HECW1: variants seen among roughly 807,000 people sequenced by gnomAD.
HECW1 encodes E3 ubiquitin-protein ligase HECW1.
A neutral mutation model predicts 182.3 loss-of-function variants in HECW1; 61 were observed. The observed-to-expected ratio is 0.33, with a 90% CI of 0.27 to 0.41. HECW1 has a LOEUF of 0.41. HECW1 is among the 10% of genes least tolerant of loss of function. HECW1 has a pLI of 1.00. For missense variants in HECW1, 1,739 were observed against 2,108.9 expected (o/e 0.82, Z 3.44); for synonymous variants, 859 against 832.6 (o/e 1.03, Z -0.55).
intron 5 of HECW1, 56 bp from the exon 6 acceptor site, chr7:43,360,830 T>G: frequency 7.8e-7 from 1 of 1,285,928 alleles, no homozygotes; most frequent in Non-Finnish European, 1.1e-6. Context: ...TGGCCATAGC[T>G]GTCTCTCCCT....
chr7:43,445,255 A>C lies in HECW1; in HGVS notation c.2083A>C (p.Ser695Arg), dbSNP rs1173371919. The C allele has an allele frequency of 6.2e-7, 1 of 1,612,390 alleles. No homozygotes were observed. Among genetic ancestry groups the C allele is most frequent in the Non-Finnish European group, 8.5e-7 (1 of 1,178,824 alleles). ...SSCYSTSCYS[S>R]SCYSASCYSP... ...GTGCTACAGCACGTCCTGCTACAGCAGCTCGTGCTACAGCGCCTCGTGCTA... is the reference window on the plus strand; with the variant it reads ...GTGCTACAGCACGTCCTGCTACAGCCGCTCGTGCTACAGCGCCTCGTGCTA... Residue 695 changes from serine to arginine, a missense_variant, in exon 11 of 30, where the codon AGC becomes CGC. By Grantham distance (110) the Ser-to-Arg change is moderately radical. Around this residue, in one of 5 missense-constraint regions of HECW1, gnomAD observed 971 missense variants for 1,029.1 expected, o/e 0.94. Transcript: ENST00000395891.
At chr7:43,521,216 G>T (rs532162524) in intron 24 of HECW1, among the ~76,000 whole-genome samples, 1 of 152,202 alleles carries the variant, frequency 6.6e-6, no homozygotes, top group African/African-American at 2.4e-5. Flanking sequence ...GTGATTAAAC[G>T]ATGAGGGCAG....
At chr7:43,481,978 A>G (rs1402622975) in intron 17 of HECW1, among the ~76,000 whole-genome samples, 1 of 149,754 alleles carries the variant, frequency 6.7e-6, no homozygotes, top group Non-Finnish European at 1.5e-5. Context: ...CCATCTCAAA[A>G]AAAAAAAAAA....
At chr7:43,536,832 C>T (rs1343485296) in intron 24 of HECW1, among the ~76,000 whole-genome samples, 2 of 152,174 alleles carry the variant, frequency 1.3e-5, no homozygotes, top group East Asian at 1.9e-4. Flanking sequence ...GCAACTCCTC[C>T]GCGAGGCCCC....
chr7:43,466,532 C>A lies in HECW1; in HGVS notation c.2877C>A (p.Thr959=). Residue 959 remains threonine (T), a synonymous_variant, in exon 15 of 30, where the codon ACC becomes ACA. Coordinates refer to ENST00000395891, the MANE Select transcript of HECW1 (RefSeq NM_015052.5). ...LLQSPAVKFI[T]NPEFFTVLHA... is the part of the protein sequence containing the mutation. ...AGTCCCCAGCGGTCAAGTTCATCAC[C>A]AACCCCGAGTTCTTCACTGTGCTAC... The A allele has an allele frequency of 6.2e-7, 1 of 1,613,548 alleles. No homozygotes were observed. The highest frequency in any genetic ancestry group is 8.5e-7 in the Non-Finnish European group (1 of 1,179,764).
At chr7:43,517,811 C>T (rs1036080526) in intron 24 of HECW1, among the ~76,000 whole-genome samples, 2 of 152,114 alleles carry the variant, frequency 1.3e-5, no homozygotes, top group Non-Finnish European at 2.9e-5. Flanking sequence ...CAGTAGCCTC[C>T]CTATCAATTC....
chr7:43,488,486 A>AAGAAAGAG (rs1563046780), intron 17 of HECW1, among the ~76,000 whole-genome samples: 3 of 120,532 alleles, frequency 2.5e-5, no homozygotes, highest in Non-Finnish European at 3.6e-5. Flanking sequence ...GAAAGAAAGA[A>AAGAAAGAG]AGAGAAAGAA....
At chr7:43,178,871 G>A (rs571971988) in intron 2 of HECW1, among the ~76,000 whole-genome samples, 2 of 152,282 alleles carry the variant, frequency 1.3e-5, no homozygotes, top group African/African-American at 4.8e-5. Flanking sequence ...AATTAAGGAT[G>A]GCTTGTTAAA....
chr7:43,477,420 CTA>C, intron 16 of HECW1, among the ~76,000 whole-genome samples: 2 of 152,222 alleles, frequency 1.3e-5, no homozygotes, highest in Middle Eastern at 6.8e-3. Flanking sequence ...AATGAAAAGT[CTA>C]TTTTTAATAT....
At chr7:43,129,216 T>G (rs1345050915) in intron 2 of HECW1, among the ~76,000 whole-genome samples, 5 of 152,156 alleles carry the variant, frequency 3.3e-5, no homozygotes, top group Non-Finnish European at 7.4e-5. Flanking sequence ...AGAGAAATCT[T>G]TTGTGAAAGG....
At chr7:43,363,306 C>T (rs1332984445) in intron 6 of HECW1, among the ~76,000 whole-genome samples, 7 of 152,200 alleles carry the variant, frequency 4.6e-5, no homozygotes, top group Admixed American at 4.6e-4. Flanking sequence ...AAATGAGATG[C>T]TTCCATCACA....
chr7:43,258,258 G>A (rs910398547), intron 3 of HECW1, among the ~76,000 whole-genome samples: 3 of 148,140 alleles, frequency 2.0e-5, no homozygotes, highest in African/African-American at 4.9e-5. Context: ...CATGAGAATC[G>A]CTTGAACCTG....
At chr7:43,394,990 T>C (rs2075177740) in intron 6 of HECW1, among the ~76,000 whole-genome samples, 1 of 151,876 alleles carries the variant, frequency 6.6e-6, no homozygotes, top group Non-Finnish European at 1.5e-5. Flanking sequence ...CGGAGCTGTC[T>C]TCTTGCAGTG....
chr7:43,491,390 G>C lies in HECW1; in HGVS notation c.3235-685G>C, dbSNP rs193084889. Among the ~76,000 whole-genome samples, 346 of 152,268 alleles carry C rather than the reference G, an allele frequency of 2.3e-3. 1 individual carries two copies. Among genetic ancestry groups the C allele is most frequent in the African/African-American group, 8.0e-3 (332 of 41,542 alleles). On this transcript the variant is annotated intron_variant, in intron 17 of 29. Coordinates refer to ENST00000395891, the MANE Select transcript of HECW1 (RefSeq NM_015052.5). ...GCCAGCACAGTGAATGCAATAACAG[G>C]CATTCAAGAAAGAATGAATGTAATC... is the stretch of plus-strand genomic sequence containing the variant.
chr7:43,138,009 G>C (rs962133591), intron 2 of HECW1, among the ~76,000 whole-genome samples: 1 of 151,710 alleles, frequency 6.6e-6, no homozygotes, highest in African/African-American at 2.4e-5. Flanking sequence ...AATGATTTCA[G>C]TGGCTTTGTT....
intron 3 of HECW1, among the ~76,000 whole-genome samples, chr7:43,295,026 A>T (rs1344900853): frequency 6.6e-6 from 1 of 152,208 alleles, no homozygotes; most frequent in East Asian, 1.9e-4. Flanking sequence ...TCACAGGCAG[A>T]TAAGAAAAAA....
intron 6 of HECW1, among the ~76,000 whole-genome samples, chr7:43,371,598 GCAAAATTTATCAAATTTAT>G (rs2074105267): frequency 6.6e-6 from 1 of 152,062 alleles, no homozygotes; most frequent in Non-Finnish European, 1.5e-5. Context: ...AGGCAGTTTA[GCAAAATTTATCAAATTTAT>G]CAAAATTTAT....
chr7:43,493,170 C>T lies in HECW1; in HGVS notation c.3427C>T (p.His1143Tyr). 6.2e-7 allele frequency: 1 copy of T among 1,612,104 alleles called. No homozygotes were observed. Among genetic ancestry groups the T allele is most frequent in the Non-Finnish European group, 8.5e-7 (1 of 1,178,466 alleles). The change falls in exon 19 of 30, where the codon CAC becomes TAC. Residue 1143 changes from histidine to tyrosine, a missense_variant. Coordinates refer to ENST00000395891, the MANE Select transcript of HECW1 (RefSeq NM_015052.5). The part of the protein sequence containing the change: ...QERQPSLARN[H>Y]TLREKIHYIR... ...GCGTCAGCCAAGCTTAGCAAGAAAC[C>T]ACACACTCAGGTAAGCCTCGCCCCT...
At chr7:43,526,987 C>T (rs900531207) in intron 24 of HECW1, among the ~76,000 whole-genome samples, 9 of 152,130 alleles carry the variant, frequency 5.9e-5, no homozygotes, top group African/African-American at 2.2e-4. Context: ...GAGTGAGACT[C>T]TGTCTCAAAA....
Sources: gnomAD v4.1 joint callset for allele counts (sites outside exome capture counted in the v4.1 genomes callset) on GRCh38, gnomAD v4.1.1 for gene constraint, gnomAD v4.1.1 regional missense constraint, MANE v1.5 for transcripts, NCBI Gene and HGNC (gene_info 2026-07-23, HGNC 2026-07-21) for gene names.